Variants in PSD3 observed in about 807,000 individuals in gnomAD.
The protein encoded by PSD3 is pleckstrin and Sec7 domain containing 3, also known as PH and SEC7 domain-containing protein 3.
PSD3 carries 49 observed loss-of-function variants against 105.5 expected under a neutral mutation model. The ratio of observed to expected loss-of-function variants is 0.46; its 90% CI spans 0.37 to 0.59. The LOEUF (loss-of-function observed/expected upper bound fraction) is 0.59, where lower values mean the gene tolerates loss of function less well. Among genes scored for constraint, PSD3 ranks in the 20% least tolerant of loss-of-function variants. The probability of loss-of-function intolerance (pLI) is 0.00; values close to 1 mark genes in which losing one functional copy is unlikely to be tolerated. For missense variants in PSD3, 1,561 were observed against 1,263.8 expected (o/e 1.24, Z -3.57); for synonymous variants, 557 against 457.8 (o/e 1.22, Z -2.77).
In PSD3 at chr8:18,530,217, T is replaced by C. The variant is rs1799577141; in HGVS notation, c.*5526A>G. The C allele has an allele frequency of 6.6e-6, 1 of 152,632 alleles. No homozygotes were observed. Among genetic ancestry groups the C allele is most frequent in the Non-Finnish European group, 1.5e-5 (1 of 68,044 alleles). The allele number at this position is 152,632 out of a possible 1,614,324, so 9.5% of individuals were successfully genotyped here. A position where few individuals can be genotyped will look rare whatever the true frequency, so the allele number is the denominator to read the frequency against. On this transcript the variant is annotated 3_prime_UTR_variant, in exon 16 of 16. Transcript: ENST00000327040. ...TTAGTCTCTAGTTACCTATTTACACTCTATAATATAAGCAGTAAGCTCAAA... is the reference window on the plus strand; with the variant it reads ...TTAGTCTCTAGTTACCTATTTACACCCTATAATATAAGCAGTAAGCTCAAA...
intron 2 of PSD3, among the ~76,000 whole-genome samples, chr8:18,920,571 T>A (rs193048812): frequency 6.6e-6 from 1 of 152,366 alleles, no homozygotes; most frequent in East Asian, 1.9e-4. Flanking sequence ...TCGATTTACA[T>A]GGTAGTTACA....
At chr8:18,779,796 G>T (rs185310657) in intron 8 of PSD3, among the ~76,000 whole-genome samples, 207 of 152,180 alleles carry the variant, frequency 1.4e-3, no homozygotes, top group African/African-American at 4.7e-3. Context: ...GAGAAGATAC[G>T]TGATATTATT....
At chr8:18,774,635 C>A in intron 8 of PSD3, 1 of 379,382 alleles carries the variant, frequency 2.6e-6, no homozygotes, top group Non-Finnish European at 5.1e-6. Flanking sequence ...TATGCTTGTT[C>A]AGCCAGTGGC....
At chr8:18,559,842 G>A (rs923451721) in intron 14 of PSD3, among the ~76,000 whole-genome samples, 9 of 152,072 alleles carry the variant, frequency 5.9e-5, no homozygotes, top group Admixed American at 5.9e-4. Flanking sequence ...CAATACCAGG[G>A]CTTGCTCGGG....
chr8:18,684,023 G>C, intron 9 of PSD3: 1 of 677,156 alleles, frequency 1.5e-6, no homozygotes, highest in South Asian at 1.7e-5. Flanking sequence ...ACTCTGCGGG[G>C]TTGTGCCTGA....
At chr8:18,608,990 T>G in intron 11 of PSD3, among the ~76,000 whole-genome samples, 1 of 152,216 alleles carries the variant, frequency 6.6e-6, no homozygotes, top group East Asian at 1.9e-4. Context: ...CTGATCATCT[T>G]TTTTTTCCTT....
intron 14 of PSD3, among the ~76,000 whole-genome samples, chr8:18,558,682 G>A (rs1009792231): frequency 1.3e-5 from 2 of 152,100 alleles, no homozygotes; most frequent in Admixed American, 6.5e-5. Flanking sequence ...TTAGCCAGGC[G>A]TGGTAGCACG....
chr8:19,002,191 G>T (rs894486069), intron 1 of PSD3, among the ~76,000 whole-genome samples: 1 of 151,992 alleles, frequency 6.6e-6, no homozygotes, highest in African/African-American at 2.4e-5. Context: ...GACTTTGAGA[G>T]GTCATAAAGT....
intron 8 of PSD3, among the ~76,000 whole-genome samples, chr8:18,773,084 T>C (rs184487261): frequency 6.8e-4 from 103 of 152,302 alleles, no homozygotes; most frequent in Admixed American, 3.1e-3. Context: ...AGTGAAGAAA[T>C]TGCCGGCACA....
In PSD3 at chr8:18,910,205, C is replaced by T. The variant is rs983766133; in HGVS notation, c.130+25829G>A. On this transcript the variant is annotated intron_variant, in intron 2 of 15. Coordinates refer to ENST00000327040, the MANE Select transcript of PSD3 (RefSeq NM_015310.4). ...ATGCACACGTATGTTTATTGCGGCA[C>T]TATTCACAATAGCAAAGACTTGGAA... 4.6e-5 allele frequency among the ~76,000 whole-genome samples: 7 copies of T among 150,608 alleles called. No homozygotes were observed. The South Asian group carries it at 6.4e-4, about 14-fold the overall frequency.
chr8:18,664,367 G>T (rs1224016838), intron 9 of PSD3, among the ~76,000 whole-genome samples: 2 of 152,190 alleles, frequency 1.3e-5, no homozygotes, highest in Non-Finnish European at 2.9e-5. Context: ...AAGTTTAAAT[G>T]GTCTGGATAG....
At chr8:18,875,263 C>T (rs1817654465) in intron 2 of PSD3, among the ~76,000 whole-genome samples, 1 of 152,108 alleles carries the variant, frequency 6.6e-6, no homozygotes, top group Non-Finnish European at 1.5e-5. Context: ...ATCTAACAAG[C>T]ACTTCTCTGG....
At chr8:18,821,435 G>A (rs1055767948) in intron 4 of PSD3, among the ~76,000 whole-genome samples, 3 of 151,768 alleles carry the variant, frequency 2.0e-5, no homozygotes, top group Non-Finnish European at 4.4e-5. Context: ...TGAGATTATA[G>A]GTAACTATTC....
intron 9 of PSD3, among the ~76,000 whole-genome samples, chr8:18,656,088 C>T (rs1232059007): frequency 6.6e-6 from 1 of 152,170 alleles, no homozygotes; most frequent in East Asian, 1.9e-4. Flanking sequence ...GACGGAGTCT[C>T]ACTCCATTGC....
At chr8:18,560,920 G>A (rs999490850) in intron 14 of PSD3, among the ~76,000 whole-genome samples, 1 of 152,180 alleles carries the variant, frequency 6.6e-6, no homozygotes, top group Non-Finnish European at 1.5e-5. Context: ...TCTTATAGAA[G>A]TGCTGGAGTG....
At position 18,670,901 on chromosome 8, in the gene PSD3, T is replaced by G. The variant is rs1171803504; in HGVS notation, c.2173-15216A>C. On this transcript the variant is annotated intron_variant, in intron 9 of 15. Transcript: ENST00000327040. The stretch of plus-strand genomic sequence containing the variant: ...GGGGGATTTTCAATGTATAATCTTC[T>G]GGACAATTTGAATGTTGACCACACA... Among the ~76,000 whole-genome samples, 3 of 152,294 alleles carry G rather than the reference T, an allele frequency of 2.0e-5. No homozygotes were observed. The East Asian group carries it at 5.8e-4, about 29-fold the overall frequency.
intron 4 of PSD3, among the ~76,000 whole-genome samples, chr8:18,841,951 G>A (rs911385701): frequency 6.6e-6 from 1 of 152,172 alleles, no homozygotes; most frequent in Admixed American, 6.5e-5. Flanking sequence ...CCAGTGGAGA[G>A]GTAGGGAAGG....
chr8:18,644,594 G>A (rs951480650), intron 10 of PSD3, among the ~76,000 whole-genome samples: 1 of 152,140 alleles, frequency 6.6e-6, no homozygotes, highest in Non-Finnish European at 1.5e-5. Flanking sequence ...TAATGTCTAA[G>A]AAGTCCCAGA....
chr8:18,625,684 G>A (rs1806424770), intron 11 of PSD3, among the ~76,000 whole-genome samples: 1 of 152,128 alleles, frequency 6.6e-6, no homozygotes, highest in African/African-American at 2.4e-5. Flanking sequence ...GCTACTATTA[G>A]TTTGGTATAA....
Sources: gnomAD v4.1 joint callset for allele counts (sites outside exome capture counted in the v4.1 genomes callset) on GRCh38, gnomAD v4.1.1 for gene constraint, MANE v1.5 for transcripts, NCBI Gene and HGNC (gene_info 2026-07-23, HGNC 2026-07-21) for gene names.